The following TMF1 variants were observed in gnomAD, a reference collection of about 807,000 sequenced individuals.
The protein encoded by TMF1 is TATA element modulatory factor 1, also known as TATA element modulatory factor.
Under a neutral mutation model 126.5 loss-of-function variants are expected in TMF1, and 71 were observed. That is an observed-to-expected ratio of 0.56 (90% CI 0.46 to 0.68). The LOEUF is 0.68. Among genes scored for constraint, TMF1 ranks in the 30% least tolerant of loss-of-function variants. TMF1 has a pLI of 0.00. For synonymous variants in TMF1, 461 were observed against 430.5 expected, an observed-to-expected ratio of 1.07 and a Z score of -0.88; for missense variants, 1,259 against 1,253.2, an observed-to-expected ratio of 1.00 and a Z score of -0.07.
chr3:69,052,292 G>C lies in TMF1; in HGVS notation c.-206C>G. On this transcript the variant is annotated 5_prime_UTR_variant, in exon 1 of 17. Transcript: ENST00000398559. ...GCTGAGACGAAGGGGGCCCATGTGCGCATGCGCTTGCTTCTTCCACGTACA... is the reference window on the plus strand; with the variant it reads ...GCTGAGACGAAGGGGGCCCATGTGCCCATGCGCTTGCTTCTTCCACGTACA... The C allele has an allele frequency of 4.3e-6, 2 of 461,364 alleles. No individual in the cohort carries two copies. Among genetic ancestry groups the C allele is most frequent in the East Asian group, 3.8e-5 (1 of 26,430 alleles). The allele number at this position is 461,364 out of a possible 1,614,324, so 28.6% of individuals were successfully genotyped here.
chr3:69,033,699 G>A lies in TMF1; in HGVS notation c.2250C>T (p.Leu750=), dbSNP rs768368424. The part of the protein sequence containing the change: ...RHEIGELQQR[L]QEAENRNQEL... ...CCTGGTTTCGATTCTCTGCTTCCTG[G>A]AGTCTCTGAATCATGAAATTCTGAA... Residue 750 remains leucine, a synonymous_variant, in exon 10 of 17, where the codon CTC becomes CTT. Transcript: ENST00000398559. 4 of 1,606,398 alleles carry A rather than the reference G, an allele frequency of 2.5e-6. No individual in the cohort carries two copies. Among genetic ancestry groups the A allele is most frequent in the Non-Finnish European group, 3.4e-6 (4 of 1,177,402 alleles).
intron 10 of TMF1, among the ~76,000 whole-genome samples, chr3:69,031,417 T>TAC (rs34091520): frequency 0.21 from 32,016 of 150,678 alleles, 3,941 homozygotes; most frequent in East Asian, 0.4. Context: ...TAGAACTTAA[T>TAC]ACACACACAC....
chr3:69,036,619 TG>T (rs1213306251), intron 8 of TMF1, among the ~76,000 whole-genome samples: 2 of 152,178 alleles, frequency 1.3e-5, no homozygotes, highest in African/African-American at 4.8e-5. Context: ...AGAGAGGAAA[TG>T]GGGAGCAGCT....
In TMF1 at chr3:69,047,887, G is replaced by C; in HGVS notation, c.818C>G (p.Ala273Gly). ...ATCTGTAGTCTCTTGTCTCGAGCTC[G>C]CTGAGCTCTCACTTATTACACTTTC... Reference protein sequence around the residue: ...DHESVISESSASSRQETTDSK... With the variant: ...DHESVISESSGSSRQETTDSK... The change falls in exon 2 of 17, where the codon GCG becomes GGG. Residue 273 changes from alanine (A) to glycine (G), a missense_variant. Ala to Gly is a moderately conservative substitution (Grantham distance 60). Coordinates refer to ENST00000398559, the MANE Select transcript of TMF1 (RefSeq NM_007114.3). 1.9e-6 allele frequency: 3 copies of C among 1,613,788 alleles called. No individual in the cohort carries two copies. Among genetic ancestry groups the C allele is most frequent in the South Asian group, 1.1e-5 (1 of 91,068 alleles).
In TMF1 at chr3:69,028,274, G is replaced by T. The variant is rs1455425871; in HGVS notation, c.2616C>A (p.Asn872Lys). Residue 872 changes from asparagine (N) to lysine (K), a missense_variant, in exon 12 of 17, where the codon AAC (asparagine) becomes AAA (lysine). Physicochemically the swap from Asn to Lys is moderately conservative, Grantham distance 94. Transcript: ENST00000398559. ...GTGTTCTTACATATTCATCTTTTAGGTTTTCCAATTCAACCTGGTACCTAT... is the reference window on the plus strand; with the variant it reads ...GTGTTCTTACATATTCATCTTTTAGTTTTTCCAATTCAACCTGGTACCTAT... Reference protein sequence around the residue: ...ENNRYQVELENLKDEYVRTLE... With the variant: ...ENNRYQVELEKLKDEYVRTLE... 1.2e-6 allele frequency: 2 copies of T among 1,612,454 alleles called. No individual in the cohort carries two copies. The highest frequency in any genetic ancestry group is 2.2e-5 in the South Asian group (2 of 91,032).
intron 2 of TMF1, among the ~76,000 whole-genome samples, chr3:69,047,112 G>C (rs1176043621): frequency 1.3e-5 from 2 of 152,124 alleles, no homozygotes; most frequent in Non-Finnish European, 2.9e-5. Context: ...AAAGATGTAA[G>C]ATGAAAACTT....
At position 69,052,332 on chromosome 3, in the gene TMF1, A is replaced by G; in HGVS notation, c.-246T>C. 6.0e-6 allele frequency: 2 copies of G among 331,162 alleles called. No individual in the cohort carries two copies. Among genetic ancestry groups the G allele is most frequent in the Non-Finnish European group, 1.1e-5 (2 of 179,176 alleles). The allele number at this position is 331,162 out of a possible 1,614,324, so 20.5% of individuals were successfully genotyped here. ...TTCCACGTACACAGCAACCAAATCTACGAGCCCAGAGTTCGGTCGACAGAC... is the reference window on the plus strand; with the variant it reads ...TTCCACGTACACAGCAACCAAATCTGCGAGCCCAGAGTTCGGTCGACAGAC... On this transcript the variant is annotated 5_prime_UTR_variant, in exon 1 of 17. Transcript: ENST00000398559.
At chr3:69,042,435 A>C (rs2091871996) in intron 5 of TMF1, 1 of 461,968 alleles carries the variant, frequency 2.2e-6, no homozygotes, top group African/African-American at 2.0e-5. Context: ...GAAAAAGACA[A>C]TATCATACAG....
Position 69,042,174 on chromosome 3 carries a change from T to C in TMF1, c.1684+633A>G, listed in dbSNP as rs565998810. Among the ~76,000 whole-genome samples the C allele has an allele frequency of 3.9e-5, 6 of 152,122 alleles. No homozygotes were observed. The East Asian group carries it at 1.2e-3, about 29-fold the overall frequency. On this transcript the variant is annotated intron_variant, in intron 5 of 16. Transcript: ENST00000398559. Reference sequence around the variant, plus strand: ...GCCTCAGCCTCCTGAGTAGCTGGGATTAGAGGCACGCACCACCACCACCCG... The same window carrying C: ...GCCTCAGCCTCCTGAGTAGCTGGGACTAGAGGCACGCACCACCACCACCCG...
intron 5 of TMF1, chr3:69,042,364 G>C: frequency 2.2e-6 from 1 of 455,828 alleles, no homozygotes. Flanking sequence ...AATCTTTTCA[G>C]AGACAAAAGT....
At position 69,027,966 on chromosome 3, in the gene TMF1, C is replaced by T; in HGVS notation, c.2691G>A (p.Met897Ile). The T allele has an allele frequency of 6.3e-7, 1 of 1,579,354 alleles. No homozygotes were observed. Among genetic ancestry groups the T allele is most frequent in the Non-Finnish European group, 8.7e-7 (1 of 1,150,980 alleles). The stretch of plus-strand genomic sequence containing the variant: ...TTTCTTGTTCAACTTTCATTCTTTC[C>T]ATTTCTAACTGACTATTCAACAATG... Reference protein sequence around the residue: ...EKTLLNSQLEMERMKVEQERK... With the variant: ...EKTLLNSQLEIERMKVEQERK... Residue 897 changes from methionine (M) to isoleucine (I), a missense_variant, in exon 13 of 17, where the codon ATG becomes ATA. Met to Ile is a conservative substitution (Grantham distance 10, BLOSUM62 1). Coordinates refer to ENST00000398559, the MANE Select transcript of TMF1 (RefSeq NM_007114.3).
At chr3:69,043,053 C>T in intron 4 of TMF1, 141 bp from the exon 5 acceptor site, 1 of 592,600 alleles carries the variant, frequency 1.7e-6, no homozygotes. Context: ...TAATCTACTA[C>T]CTTGGTTAAC....
rs1277281231 is a variant in TMF1 at position 69,047,513 on chromosome 3, G to A, written c.1192C>T (p.Arg398Ter). The part of the protein sequence containing the change: ...TEEAEMEESG[R>*]SATPVNCEQP... ...TCACAGTTAACAGGAGTTGCACTTC[G>A]TCCACTTTCTTCCATTTCTGCTTCC... is the stretch of plus-strand genomic sequence containing the variant. The change falls in exon 2 of 17, where the codon CGA becomes TGA. Residue 398 changes from arginine to a stop codon, truncating the protein, a stop_gained. Transcript: ENST00000398559. LOFTEE classifies it high-confidence loss of function. The A allele has an allele frequency of 6.2e-6, 10 of 1,614,118 alleles. No individual in the cohort carries two copies. The highest frequency in any genetic ancestry group is 8.5e-6 in the Non-Finnish European group (10 of 1,180,020).
chr3:69,033,916 A>T, intron 9 of TMF1: 1 of 399,590 alleles, frequency 2.5e-6, no homozygotes, highest in Non-Finnish European at 4.4e-6. Context: ...CTGTAGCCTC[A>T]ACCTCCTAGG....
At position 69,026,107 on chromosome 3, in the gene TMF1, TA is replaced by T. The variant is rs751415367; in HGVS notation, c.2758-11del. On this transcript the variant is annotated splice_polypyrimidine_tract_variant and intron_variant, in intron 13 of 16. Transcript: ENST00000398559. The stretch of plus-strand genomic sequence containing the variant: ...AAAATGGCTTGCGTTCCTTAGGGAG[TA>T]AAAAAAATTCTGTTCATATTAAAGA... 25 of 1,590,482 alleles carry T rather than the reference TA, an allele frequency of 1.6e-5. No individual in the cohort carries two copies. Among genetic ancestry groups the T allele is most frequent in the East Asian group, 2.2e-5 (1 of 44,718 alleles).
chr3:69,042,674 C>T (rs1402775610), intron 5 of TMF1, 133 bp downstream of exon 5: 2 of 743,944 alleles, frequency 2.7e-6, no homozygotes, highest in African/African-American at 1.7e-5. Context: ...TAAACTGTCA[C>T]CTATTTCTAT....
chr3:69,034,120 A>AT lies in TMF1; in HGVS notation c.2245-417dup, dbSNP rs2091819815. The stretch of plus-strand genomic sequence containing the variant: ...GAACCACCATGCCCAGCCCTTAATT[A>AT]TTTTTCTAACTGTTCAATCCTTCCA... On this transcript the variant is annotated intron_variant, in intron 9 of 16. Coordinates refer to ENST00000398559, the MANE Select transcript of TMF1 (RefSeq NM_007114.3). Among the ~76,000 whole-genome samples the AT allele has an allele frequency of 2.0e-5, 3 of 152,046 alleles. No individual in the cohort carries two copies. The South Asian group carries it at 6.2e-4, about 32-fold the overall frequency.
At chr3:69,050,444 G>A (rs1055683284) in intron 1 of TMF1, among the ~76,000 whole-genome samples, 6 of 151,488 alleles carry the variant, frequency 4.0e-5, no homozygotes, top group Non-Finnish European at 7.4e-5. Flanking sequence ...CCAAGATTAT[G>A]TCTGATTAAT....
In TMF1 at chr3:69,052,054, G is replaced by T. The variant is rs2091934183; in HGVS notation, c.33C>A (p.Ser11Arg). 6.2e-7 allele frequency: 1 copy of T among 1,613,054 alleles called. No homozygotes were observed. Among genetic ancestry groups the T allele is most frequent in the Non-Finnish European group, 8.5e-7 (1 of 1,179,746 alleles). ...CCTGGGACAGGGCCTGCTTAGCGAAGCTGGAGAGCTGGGAGGCGTTGAACC... is the reference window on the plus strand; with the variant it reads ...CCTGGGACAGGGCCTGCTTAGCGAATCTGGAGAGCTGGGAGGCGTTGAACC... MSWFNASQLS[S>R]FAKQALSQAQ... Residue 11 changes from serine (S) to arginine (R), a missense_variant, in exon 1 of 17, where the codon AGC (serine) becomes AGA (arginine). Transcript: ENST00000398559.
Sources: allele counts gnomAD v4.1 joint callset (sites outside exome capture counted in the v4.1 genomes callset), GRCh38; gene constraint gnomAD v4.1.1; transcripts MANE v1.5; gene names NCBI Gene and HGNC (gene_info 2026-07-23, HGNC 2026-07-21).